The following CLASRP variants were observed in gnomAD, a reference collection of about 807,000 sequenced individuals.
The protein encoded by CLASRP is CLK4-associating serine/arginine rich protein.
A neutral mutation model predicts 99.9 loss-of-function variants in CLASRP; 52 were observed. The observed-to-expected ratio is 0.52, with a 90% CI of 0.42 to 0.66. CLASRP has a LOEUF of 0.66. Among genes scored for constraint, CLASRP ranks in the 30% least tolerant of loss-of-function variants. The pLI, the probability that CLASRP is intolerant of heterozygous loss-of-function variation, is 0.00. For missense variants in CLASRP, 848 were observed against 999.2 expected, an observed-to-expected ratio of 0.85 and a Z score of 2.04; for synonymous variants, 379 against 373.0, an observed-to-expected ratio of 1.02 and a Z score of -0.18.
In CLASRP at chr19:45,052,148, C is replaced by A; in HGVS notation, c.177C>A (p.Ala59=). ...ACCTGGATTCTGCAGTCGCCCTGGC[C>A]GCTGAGAGCCCTGTTAATATGTAAG... ...KVHLDSAVAL[A]AESPVNMMPW... The change falls in exon 3 of 21, where the codon GCC becomes GCA. Residue 59 remains alanine (A), a synonymous_variant. Transcript: ENST00000221455. 1 of 1,613,900 alleles carries A rather than the reference C, an allele frequency of 6.2e-7. No individual in the cohort carries two copies. Among genetic ancestry groups the A allele is most frequent in the East Asian group, 2.2e-5 (1 of 44,876 alleles).
intron 18 of CLASRP, chr19:45,069,805 T>C (rs1967191819): frequency 1.8e-6 from 1 of 560,464 alleles, no homozygotes; most frequent in African/African-American, 1.9e-5. Context: ...CCTCCCTCTG[T>C]TCCCCAGGCT....
rs1307477706 is a variant in CLASRP, at chr19:45,052,177, G to T, written c.197+9G>T. 3.1e-6 allele frequency: 5 copies of T among 1,611,142 alleles called. No individual in the cohort carries two copies. In the South Asian group the frequency reaches 5.5e-5, roughly 18 times the overall value. On this transcript the variant is annotated intron_variant, in intron 3 of 20. Transcript: ENST00000221455. ...GAGAGCCCTGTTAATATGTAAGACT[G>T]ATATGGAAGGCAGGGGAGTGTCTGA...
rs774499601 is a variant in CLASRP, at chr19:45,064,638, TG to T, written c.1409+10del. ...GCCCCGGCGCAGAAGCAGGTGTGTGTGGCTGGGCGTGGAGGTGGGAGGGGCT... is the reference window on the plus strand; with the variant it reads ...GCCCCGGCGCAGAAGCAGGTGTGTGTGCTGGGCGTGGAGGTGGGAGGGGCT... On this transcript the variant is annotated intron_variant, in intron 13 of 20. Transcript: ENST00000221455. The T allele has an allele frequency of 1.6e-5, 24 of 1,537,524 alleles. No individual in the cohort carries two copies. The South Asian group carries it at 2.9e-4, about 18-fold the overall frequency.
chr19:45,054,298 G>A (rs528838459), intron 5 of CLASRP, among the ~76,000 whole-genome samples: 188 of 152,242 alleles, frequency 1.2e-3, no homozygotes, highest in African/African-American at 4.4e-3. Flanking sequence ...TGCCCAGGCT[G>A]GCATGCAGTG....
At chr19:45,042,466 C>G (rs1971829873) in intron 2 of CLASRP, among the ~76,000 whole-genome samples, 1 of 151,464 alleles carries the variant, frequency 6.6e-6, no homozygotes, top group African/African-American at 2.4e-5. Flanking sequence ...TTGCATTGCT[C>G]TCCAGCCTGG....
rs563931313 is a variant in CLASRP at position 45,051,327 on chromosome 19, T to C, written c.100-744T>C. On this transcript the variant is annotated intron_variant, in intron 2 of 20. Coordinates refer to ENST00000221455, the MANE Select transcript of CLASRP (RefSeq NM_007056.3). ...TTTCTTCAATTTCTTTTTTTTTCTC[T>C]TTTTGAGATGGAGTCTTGCTCTGTT... Among the ~76,000 whole-genome samples, 15 of 152,152 alleles carry C rather than the reference T, an allele frequency of 9.9e-5. No individual in the cohort carries two copies. In the East Asian group the frequency reaches 2.9e-3, roughly 30 times the overall value.
In CLASRP at chr19:45,067,672, G is replaced by A. The variant is rs374889334; in HGVS notation, c.1667+78G>A. 5.9e-6 allele frequency: 8 copies of A among 1,362,864 alleles called. No individual in the cohort carries two copies. In the African/African-American group the frequency reaches 8.6e-5, roughly 15 times the overall value. The allele number at this position is 1,362,864 out of a possible 1,614,324, so 84.4% of individuals were successfully genotyped here. A position where few individuals can be genotyped will look rare whatever the true frequency, so the allele number is the denominator to read the frequency against. Reference sequence around the variant, plus strand: ...TGAACATCACTGTTTTCTTTTTGAGGGGAACTTAGCCCTACCCTGGGAGGT... The same window carrying A: ...TGAACATCACTGTTTTCTTTTTGAGAGGAACTTAGCCCTACCCTGGGAGGT... On this transcript the variant is annotated intron_variant, in intron 14 of 20. Coordinates refer to ENST00000221455, the MANE Select transcript of CLASRP (RefSeq NM_007056.3). The surrounding 1 kb of genome is among the most constrained non-coding windows in gnomAD (Gnocchi z 4.9).
In CLASRP at chr19:45,060,762, A is replaced by G; in HGVS notation, c.863+135A>G. ...CTTTCTAGTGGGGCGATGCATGGCC[A>G]TCGTGAAGGTTTAGAGGTAGGAACG... On this transcript the variant is annotated intron_variant, in intron 10 of 20. Coordinates refer to ENST00000221455, the MANE Select transcript of CLASRP (RefSeq NM_007056.3). The surrounding 1 kb of genome is among the most constrained non-coding windows in gnomAD (Gnocchi z 4.6). The G allele has an allele frequency of 1.4e-6, 1 of 708,546 alleles. No individual in the cohort carries two copies. The highest frequency in any genetic ancestry group is 2.4e-6 in the Non-Finnish European group (1 of 425,274). The allele number at this position is 708,546 out of a possible 1,614,324, so 43.9% of individuals were successfully genotyped here.
chr19:45,047,305 G>A (rs1047713789), intron 2 of CLASRP, among the ~76,000 whole-genome samples: 1 of 150,274 alleles, frequency 6.7e-6, no homozygotes, highest in Non-Finnish European at 1.5e-5. Context: ...CCGCTGATAA[G>A]TATCTAAAAT....
chr19:45,042,511 T>G (rs184800234), intron 2 of CLASRP, among the ~76,000 whole-genome samples: 17 of 148,610 alleles, frequency 1.1e-4, no homozygotes, highest in Non-Finnish European at 2.1e-4. Flanking sequence ...AAAAAAAAAT[T>G]TATATATATA....
At chr19:45,061,753 C>T (rs1489305402) in intron 10 of CLASRP, among the ~76,000 whole-genome samples, 5 of 152,028 alleles carry the variant, frequency 3.3e-5, no homozygotes, top group Non-Finnish European at 4.4e-5. Context: ...GGATTACAGG[C>T]GTGAGCCACC....
intron 2 of CLASRP, among the ~76,000 whole-genome samples, chr19:45,049,838 GA>G (rs766125700): frequency 6.6e-6 from 1 of 152,184 alleles, no homozygotes; most frequent in Non-Finnish European, 1.5e-5. Flanking sequence ...TAACATGGGA[GA>G]AAGGTGATGA....
intron 15 of CLASRP, 79 bp downstream of exon 15, chr19:45,068,133 G>C (rs926794279): frequency 3.6e-6 from 5 of 1,382,500 alleles, no homozygotes; most frequent in African/African-American, 1.4e-5. Context: ...GGGCCTGCAG[G>C]GGGGCCCGGG....
rs1967037714 is a variant in CLASRP at position 45,064,589 on chromosome 19, G to A, written c.1368G>A (p.Ser456=). Residue 456 remains serine (S), a synonymous_variant, in exon 13 of 21, where the codon TCG becomes TCA. Transcript: ENST00000221455. ...GAGACGGACACCGGTACTCCCGCTC[G>A]CCCGCCCGGCGTGGTGGTTACGGGC... ...GSRDGHRYSR[S]PARRGGYGPR... 6.5e-7 allele frequency: 1 copy of A among 1,545,574 alleles called. No homozygotes were observed. Among genetic ancestry groups the A allele is most frequent in the Non-Finnish European group, 8.7e-7 (1 of 1,150,800 alleles).
chr19:45,065,580 G>A (rs1427046332), intron 13 of CLASRP, among the ~76,000 whole-genome samples: 2 of 148,546 alleles, frequency 1.3e-5, no homozygotes, highest in Non-Finnish European at 1.5e-5. Context: ...AAAAAAAAAA[G>A]ACATTTCATT....
chr19:45,039,794 C>T (rs1971778823), intron 1 of CLASRP: 1 of 169,506 alleles, frequency 5.9e-6, no homozygotes, highest in Non-Finnish European at 1.3e-5. Context: ...ACGCATGGCC[C>T]CTAGTGGGAG....
At chr19:45,056,386 G>A (rs2083369415) in intron 5 of CLASRP, 64 bp from the exon 6 acceptor site, 1 of 1,463,520 alleles carries the variant, frequency 6.8e-7, no homozygotes, top group Admixed American at 1.7e-5. Flanking sequence ...GCACCCTTGT[G>A]TTCCCCCACT....
At position 45,064,479 on chromosome 19, in the gene CLASRP, C is replaced by T. The variant is rs766193082; in HGVS notation, c.1258C>T (p.Arg420Cys). ...CGGCCGCCACGCCCGCTCCCGGTCC[C>T]GCTCCTGGTCCCGCTCCCGCTCCCG... The part of the protein sequence containing the change: ...RSGRHARSRS[R>C]SWSRSRSRSR... Residue 420 changes from arginine (R) to cysteine (C), a missense_variant, in exon 13 of 21, where the codon CGC becomes TGC. Coordinates refer to ENST00000221455, the MANE Select transcript of CLASRP (RefSeq NM_007056.3). 8.2e-5 allele frequency: 125 copies of T among 1,528,930 alleles called. 2 individuals are homozygous for T. The South Asian group carries it at 1.4e-3, about 17-fold the overall frequency. 94.7% of individuals were successfully genotyped at this position (1,528,930 alleles called of 1,614,324 possible). A position where few individuals can be genotyped will look rare whatever the true frequency, so the allele number is the denominator to read the frequency against.
intron 20 of CLASRP, 82 bp downstream of exon 20, chr19:45,070,643 C>G: frequency 7.0e-7 from 1 of 1,420,252 alleles, no homozygotes; most frequent in Non-Finnish European, 1.0e-6. Flanking sequence ...TTCCTCCAGC[C>G]TCACCCTGTA....
Sources: allele counts gnomAD v4.1 joint callset (sites outside exome capture counted in the v4.1 genomes callset), GRCh38; gene constraint gnomAD v4.1.1; non-coding constraint Gnocchi (gnomAD v3.1); transcripts MANE v1.5; gene names NCBI Gene and HGNC (gene_info 2026-07-23, HGNC 2026-07-21).